PANX1: variants seen among roughly 807,000 people sequenced by gnomAD.
PANX1 encodes the protein pannexin-1.
Under a neutral mutation model 38.7 loss-of-function variants are expected in PANX1, and 30 were observed. The observed-to-expected ratio is 0.78, with a 90% CI of 0.58 to 1.05. The LOEUF is 1.05. PANX1 is among the 50% of genes least tolerant of loss of function. The pLI is 0.00. For synonymous variants in PANX1, 230 were observed against 212.2 expected, an observed-to-expected ratio of 1.08 and a Z score of -0.73; for missense variants, 551 against 517.2, an observed-to-expected ratio of 1.07 and a Z score of -0.63.
In PANX1 at chr11:94,161,053, C is replaced by T. The variant is rs183195167; in HGVS notation, c.321+7423C>T. On this transcript the variant is annotated intron_variant, in intron 2 of 4. Transcript: ENST00000227638. ...TCTTTAAGAATGTTGAATATTGGCC[C>T]CCACTCTCTTCTGGCTTGTAGAGTT... Among the ~76,000 whole-genome samples, 1,503 of 152,312 alleles carry T rather than the reference C, an allele frequency of 9.9e-3. 13 individuals are homozygous for T. The highest frequency in any genetic ancestry group is 0.017 in the Middle Eastern group (5 of 294).
At position 94,180,097 on chromosome 11, in the gene PANX1, T is replaced by C. The variant is rs1360671675; in HGVS notation, c.1041T>C (p.Cys347=). The C allele has an allele frequency of 2.5e-6, 4 of 1,614,014 alleles. No homozygotes were observed. The East Asian group carries it at 6.7e-5, about 27-fold the overall frequency. The change falls in exon 4 of 5, where the codon TGT becomes TGC. Residue 347 remains cysteine (C), a synonymous_variant. Transcript: ENST00000227638. ...TAAGTGAGGTCAAGTCATACAAGTG[T>C]CTTAAGGTACTGGAGAATATTAAGA... ...ENISEVKSYK[C]LKVLENIKSS...
intron 1 of PANX1, among the ~76,000 whole-genome samples, chr11:94,135,435 G>T (rs1355225301): frequency 1.3e-5 from 2 of 152,176 alleles, no homozygotes; most frequent in Non-Finnish European, 2.9e-5. Flanking sequence ...GCTCTGTTGT[G>T]GCTGAATTTA....
Position 94,180,903 on chromosome 11 carries a change from TC to T in PANX1, c.*35del. 1.6e-6 allele frequency: 2 copies of T among 1,224,946 alleles called. No homozygotes were observed. The highest frequency in any genetic ancestry group is 2.4e-6 in the Non-Finnish European group (2 of 825,276). 75.9% of individuals were successfully genotyped at this position (1,224,946 alleles called of 1,614,324 possible). The stretch of plus-strand genomic sequence containing the variant: ...TTCCTTGAGCTGTAAATCTGTGACT[TC>T]TGCGACATGGGATTTAATTTGGCTA... On this transcript the variant is annotated 3_prime_UTR_variant, in exon 5 of 5. Transcript: ENST00000227638.
chr11:94,175,073 G>A (rs1418405187), intron 2 of PANX1, among the ~76,000 whole-genome samples: 2 of 151,688 alleles, frequency 1.3e-5, no homozygotes, highest in Non-Finnish European at 2.9e-5. Flanking sequence ...AGCATCCCAG[G>A]CCTAATGTGG....
chr11:94,176,895 A>G (rs1337233850), intron 2 of PANX1, among the ~76,000 whole-genome samples: 1 of 151,678 alleles, frequency 6.6e-6, no homozygotes, highest in African/African-American at 2.4e-5. Flanking sequence ...CATTTGCAGA[A>G]TGGAGCCATC....
chr11:94,135,448 C>T (rs933901588), intron 1 of PANX1, among the ~76,000 whole-genome samples: 2 of 152,196 alleles, frequency 1.3e-5, no homozygotes, highest in Admixed American at 6.5e-5. Context: ...TGAATTTAGA[C>T]CTGTCTTTGG....
chr11:94,142,058 G>C (rs1388598625), intron 1 of PANX1, among the ~76,000 whole-genome samples: 1 of 152,142 alleles, frequency 6.6e-6, no homozygotes, highest in Non-Finnish European at 1.5e-5. Context: ...CCAGAGCCTG[G>C]GTTCTCAGGC....
chr11:94,162,182 A>C (rs1051798005), intron 2 of PANX1, among the ~76,000 whole-genome samples: 1 of 152,154 alleles, frequency 6.6e-6, no homozygotes, highest in Non-Finnish European at 1.5e-5. Flanking sequence ...CCACTTGAGG[A>C]GGCAGTCTGT....
In PANX1 at chr11:94,129,013, A is replaced by G. The variant is rs914282685; in HGVS notation, c.-300A>G. ...CTGGGGGTGCGCGGGAGAGGCGCGA[A>G]TCCGAGTGCCGCGCGCGGCCCGGGG... On this transcript the variant is annotated 5_prime_UTR_variant, in exon 1 of 5. Coordinates refer to ENST00000227638, the MANE Select transcript of PANX1 (RefSeq NM_015368.4). The G allele has an allele frequency of 8.4e-6, 2 of 237,900 alleles. No homozygotes were observed. Among genetic ancestry groups the G allele is most frequent in the Non-Finnish European group, 1.6e-5 (2 of 124,012 alleles). The allele number at this position is 237,900 out of a possible 1,614,324, so 14.7% of individuals were successfully genotyped here.
chr11:94,168,255 C>T (rs984399883), intron 2 of PANX1, among the ~76,000 whole-genome samples: 1 of 152,114 alleles, frequency 6.6e-6, no homozygotes, highest in Admixed American at 6.5e-5. Context: ...GAGGCGTGGC[C>T]TGTTGGGGGC....
chr11:94,138,307 G>A (rs957006835), intron 1 of PANX1, among the ~76,000 whole-genome samples: 11 of 151,982 alleles, frequency 7.2e-5, no homozygotes, highest in African/African-American at 2.4e-4. Context: ...ATGTTTTTTC[G>A]TATGTATTTT....
At chr11:94,138,175 C>G (rs537280575) in intron 1 of PANX1, among the ~76,000 whole-genome samples, 3 of 152,072 alleles carry the variant, frequency 2.0e-5, no homozygotes, top group African/African-American at 4.8e-5. Flanking sequence ...TACTTCTCCC[C>G]GCAGCTGAAG....
chr11:94,146,690 G>C (rs1382636908), intron 1 of PANX1, among the ~76,000 whole-genome samples: 3 of 152,236 alleles, frequency 2.0e-5, no homozygotes, highest in Non-Finnish European at 4.4e-5. Context: ...GAAGAGCATT[G>C]CATTAAACAG....
chr11:94,172,042 A>G (rs1947176220), intron 2 of PANX1, among the ~76,000 whole-genome samples: 1 of 150,716 alleles, frequency 6.6e-6, no homozygotes, highest in African/African-American at 2.5e-5. Flanking sequence ...CAAGAACAAA[A>G]TTAGGAGAGT....
Position 94,181,095 on chromosome 11 carries a change from C to A in PANX1, c.*226C>A. ...GCACCTGAGAGATAGTAAACTGCAG[C>A]AAGTAACTATGTGTAAGTCCTCATC... On this transcript the variant is annotated 3_prime_UTR_variant, in exon 5 of 5. Transcript: ENST00000227638. 2 of 527,996 alleles carry A rather than the reference C, an allele frequency of 3.8e-6. No homozygotes were observed. Among genetic ancestry groups the A allele is most frequent in the Non-Finnish European group, 3.4e-6 (1 of 293,022 alleles). The allele number at this position is 527,996 out of a possible 1,614,324, so 32.7% of individuals were successfully genotyped here.
rs1947297616 is a variant in PANX1 at position 94,180,814 on chromosome 11, A to G, written c.1226A>G (p.Lys409Arg). 7.6e-6 allele frequency: 12 copies of G among 1,577,758 alleles called. No homozygotes were observed. The highest frequency in any genetic ancestry group is 1.0e-5 in the Non-Finnish European group (12 of 1,146,996). Reference protein sequence around the residue: ...LQGMNIDSETKANNGEKNARQ... With the variant: ...LQGMNIDSETRANNGEKNARQ... The stretch of plus-strand genomic sequence containing the variant: ...GGTATGAACATAGACAGTGAAACTA[A>G]AGCAAATAATGGAGAGAAGAATGCC... The change falls in exon 5 of 5, where the codon AAA becomes AGA. Residue 409 changes from lysine (K) to arginine (R), a missense_variant. Transcript: ENST00000227638.
chr11:94,153,710 C>A, intron 2 of PANX1, 80 bp downstream of exon 2: 23 of 1,330,626 alleles, frequency 1.7e-5, no homozygotes, highest in Non-Finnish European at 2.3e-5. Context: ...ATGCCAAAGA[C>A]CACACAGATA....
chr11:94,167,670 G>C (rs528644744), intron 2 of PANX1, among the ~76,000 whole-genome samples: 1 of 152,322 alleles, frequency 6.6e-6, no homozygotes, highest in East Asian at 1.9e-4. Context: ...ACGTAGAACT[G>C]ACTGAAAACT....
intron 2 of PANX1, among the ~76,000 whole-genome samples, chr11:94,154,830 T>C (rs1311095011): frequency 1.3e-5 from 2 of 152,258 alleles, no homozygotes; most frequent in African/African-American, 4.8e-5. Context: ...ATGCTATATG[T>C]ATTATATACT....
Sources: allele counts gnomAD v4.1 joint callset (sites outside exome capture counted in the v4.1 genomes callset), GRCh38; gene constraint gnomAD v4.1.1; transcripts MANE v1.5; gene names NCBI Gene and HGNC (gene_info 2026-07-23, HGNC 2026-07-21).